Variants in LRIF1 observed in about 807,000 individuals in gnomAD.
LRIF1 encodes ligand-dependent nuclear receptor-interacting factor 1.
LRIF1 carries 32 observed loss-of-function variants against 52.7 expected under a neutral mutation model. The ratio of observed to expected loss-of-function variants is 0.61; its 90% confidence interval spans 0.46 to 0.82. LRIF1 has a LOEUF of 0.82. LRIF1 is among the 40% of genes least tolerant of loss of function. The pLI is 0.00. For synonymous variants in LRIF1, 323 were observed against 317.4 expected (o/e 1.02, Z -0.19); for missense variants, 887 against 892.0 (o/e 0.99, Z 0.07).
rs1658272296 is a variant in LRIF1 at position 110,947,979 on chromosome 1, T to C, written c.2290A>G (p.Lys764Glu). ...EKEAALEEMR[K>E]KMHQK is the part of the protein sequence containing the mutation. ...AGATTTTATTTTTGGTGCATCTTCTTACGCATTTCTTCAAGAGCTGCTTCT... is the reference window on the plus strand; with the variant it reads ...AGATTTTATTTTTGGTGCATCTTCTCACGCATTTCTTCAAGAGCTGCTTCT... Residue 764 changes from lysine to glutamate, a missense_variant, in exon 4 of 4, where the codon AAG (lysine) becomes GAG (glutamate). Coordinates refer to ENST00000369763, the MANE Select transcript of LRIF1 (RefSeq NM_018372.4). 6.3e-7 allele frequency: 1 copy of C among 1,582,206 alleles called. No homozygotes were observed. Among genetic ancestry groups the C allele is most frequent in the African/African-American group, 1.4e-5 (1 of 72,864 alleles).
chr1:110,889,470 A>G, the LRIF1 span, among the ~76,000 whole-genome samples: 1 of 152,162 alleles, frequency 6.6e-6, no homozygotes, highest in African/African-American at 2.4e-5. Flanking sequence ...AGGCAGGAGA[A>G]TGGCTTGAAT....
chr1:110,889,946 A>G, the LRIF1 span, among the ~76,000 whole-genome samples: 1 of 152,186 alleles, frequency 6.6e-6, no homozygotes, highest in East Asian at 1.9e-4. Context: ...AAAAGAGGGG[A>G]AAAGAGCACA....
chr1:110,953,563 CTGAATCAATTCTGACCCCCATGCCT>C (rs1658570472), intron 1 of LRIF1, among the ~76,000 whole-genome samples: 1 of 152,100 alleles, frequency 6.6e-6, no homozygotes. Flanking sequence ...TTTTTTTTAA[CTGAATCAATTCTGACCCCCATGCCT>C]TGAATTATTT....
chr1:110,894,966 G>T, the LRIF1 span: 1 of 1,613,590 alleles, frequency 6.2e-7, no homozygotes, highest in South Asian at 1.1e-5. Flanking sequence ...CCAGCTGAAT[G>T]AGTATGTGGC....
chr1:110,901,476 C>CATT, the LRIF1 span, among the ~76,000 whole-genome samples: 4 of 63,544 alleles, frequency 6.3e-5, no homozygotes, highest in Admixed American at 2.2e-4. Context: ...TCGCACCCGG[C>CATT]CTTTTTTTTT....
chr1:110,906,310 T>C, the LRIF1 span, among the ~76,000 whole-genome samples: 2 of 151,908 alleles, frequency 1.3e-5, no homozygotes, highest in Non-Finnish European at 2.9e-5. Context: ...CTTTGAGAGG[T>C]TGAAGCAGAG....
chr1:110,891,827 G>A, the LRIF1 span, among the ~76,000 whole-genome samples: 1 of 152,308 alleles, frequency 6.6e-6, no homozygotes, highest in African/African-American at 2.4e-5. Context: ...GAAACAATAA[G>A]TGATTGAAAG....
At chr1:110,917,951 TTA>T in the LRIF1 span, among the ~76,000 whole-genome samples, 3 of 96,242 alleles carry the variant, frequency 3.1e-5, no homozygotes, top group African/African-American at 1.4e-4. Flanking sequence ...ATTAAAAACA[TTA>T]GTTTTAAAAT....
At chr1:110,907,759 G>GT in the LRIF1 span, among the ~76,000 whole-genome samples, 5 of 152,064 alleles carry the variant, frequency 3.3e-5, no homozygotes, top group African/African-American at 1.2e-4. Context: ...GTTTTGAGAA[G>GT]TTTTTTTCTT....
At chr1:110,895,435 C>G in the LRIF1 span, among the ~76,000 whole-genome samples, 1 of 152,134 alleles carries the variant, frequency 6.6e-6, no homozygotes, top group Non-Finnish European at 1.5e-5. Flanking sequence ...GTTACCTAGC[C>G]CACCAACATC....
At chr1:110,888,595 G>A in the LRIF1 span, among the ~76,000 whole-genome samples, 1 of 152,028 alleles carries the variant, frequency 6.6e-6, no homozygotes, top group South Asian at 2.1e-4. Flanking sequence ...ATTGGCCAGA[G>A]GCACATTTCC....
the LRIF1 span, among the ~76,000 whole-genome samples, chr1:110,904,551 T>A: frequency 9.2e-5 from 14 of 152,148 alleles, no homozygotes; most frequent in Admixed American, 5.2e-4. Flanking sequence ...AAGTAGTACT[T>A]CTATGAGTCC....
chr1:110,930,178 G>A, the LRIF1 span, among the ~76,000 whole-genome samples: 1,099 of 151,840 alleles, frequency 7.2e-3, 8 homozygotes, highest in Non-Finnish European at 9.1e-3. Flanking sequence ...ATTTCCAGTC[G>A]GCAACAGTTC....
the LRIF1 span, among the ~76,000 whole-genome samples, chr1:110,902,898 G>C: frequency 6.6e-6 from 1 of 152,304 alleles, no homozygotes; most frequent in East Asian, 1.9e-4. Flanking sequence ...GAGTAAAACA[G>C]TTTTGAATCT....
chr1:110,914,545 G>A, the LRIF1 span, among the ~76,000 whole-genome samples: 3 of 152,258 alleles, frequency 2.0e-5, no homozygotes, highest in East Asian at 5.8e-4. Flanking sequence ...TCTGAGGTCA[G>A]GAGCTTGAGA....
At chr1:110,923,130 T>C in the LRIF1 span, among the ~76,000 whole-genome samples, 1 of 152,034 alleles carries the variant, frequency 6.6e-6, no homozygotes, top group African/African-American at 2.4e-5. Context: ...TGAAACCCCA[T>C]CTCTACTAAA....
the LRIF1 span, among the ~76,000 whole-genome samples, chr1:110,888,418 T>C: frequency 6.6e-6 from 1 of 152,340 alleles, no homozygotes; most frequent in Admixed American, 6.5e-5. Context: ...GGAAACTGTC[T>C]GTGAATATAA....
chr1:110,905,666 T>C, the LRIF1 span, among the ~76,000 whole-genome samples: 2 of 152,298 alleles, frequency 1.3e-5, no homozygotes, highest in African/African-American at 4.8e-5. Context: ...GAAAGGGATG[T>C]TAATGAGCAA....
the LRIF1 span, chr1:110,900,024 A>C: frequency 6.6e-6 from 1 of 152,602 alleles, no homozygotes. Flanking sequence ...GCTGCATAAA[A>C]TATTACTCCA....
Sources: allele counts gnomAD v4.1 joint callset (sites outside exome capture counted in the v4.1 genomes callset), GRCh38; gene constraint gnomAD v4.1.1; transcripts MANE v1.5; gene names NCBI Gene and HGNC (gene_info 2026-07-23, HGNC 2026-07-21).